Variants in NSD1 observed in about 807,000 individuals in gnomAD.
NSD1 encodes nuclear receptor binding SET domain protein 1, also known as histone-lysine N-methyltransferase, H3 lysine-36 specific.
In NSD1, 26 loss-of-function variants were observed where a neutral mutation model predicts 242.7. The observed-to-expected ratio is 0.11, with a 90% CI of 0.08 to 0.15. The LOEUF (loss-of-function observed/expected upper bound fraction) is 0.15. NSD1 is among the 10% of genes least tolerant of loss of function. The pLI is 1.00. For missense variants in NSD1, 2,495 were observed against 3,272.8 expected (o/e 0.76, Z 5.80); for synonymous variants, 1,106 against 1,178.1 (o/e 0.94, Z 1.25).
Position 177,148,833 on chromosome 5 carries a change from T to A in NSD1, c.927+12803T>A, listed in dbSNP as rs1431634431. ...GATCCAGTTTCTTTTATTTTTTGTT[T>A]TTTGAGACGGAGTCTCGCCCTGTTG... is the stretch of plus-strand genomic sequence containing the variant. On this transcript the variant is annotated intron_variant, in intron 2 of 22. Coordinates refer to ENST00000439151, the MANE Select transcript of NSD1 (RefSeq NM_022455.5). 2.0e-5 allele frequency among the ~76,000 whole-genome samples: 3 copies of A among 152,050 alleles called. 1 individual carries two copies. The highest frequency in any genetic ancestry group is 2.0e-4 in the Admixed American group (3 of 15,240).
Position 177,135,740 on chromosome 5 carries a change from A to C in NSD1, c.637A>C (p.Ser213Arg). Residue 213 changes from serine to arginine, a missense_variant, in exon 2 of 23, where the codon AGC (serine) becomes CGC (arginine). Around this residue, in one of 19 missense-constraint regions of NSD1, gnomAD observed 376 missense variants for 367.4 expected, o/e 1.02. Coordinates refer to ENST00000439151, the MANE Select transcript of NSD1 (RefSeq NM_022455.5). ...AGTGGCCATGGGAAGTGAACAAGAC[A>C]GCACACCAGAGAGTAGACACGGTGC... The part of the protein sequence containing the change: ...VKVAMGSEQD[S>R]TPESRHGAVK... 1 of 1,614,224 alleles carries C rather than the reference A, an allele frequency of 6.2e-7. No homozygotes were observed. The highest frequency in any genetic ancestry group is 1.1e-5 in the South Asian group (1 of 91,084).
At chr5:177,188,757 G>A (rs1232627260) in intron 2 of NSD1, among the ~76,000 whole-genome samples, 8 of 151,898 alleles carry the variant, frequency 5.3e-5, no homozygotes, top group African/African-American at 1.9e-4. Context: ...GCCTCCTTAT[G>A]CACCAGGACA....
intron 4 of NSD1, among the ~76,000 whole-genome samples, 196 bp downstream of exon 4, chr5:177,204,488 G>A (rs1206214190): frequency 6.6e-6 from 1 of 152,146 alleles, no homozygotes; most frequent in Non-Finnish European, 1.5e-5. Context: ...TGAGTAGCTG[G>A]TATTATAAGC....
In NSD1 at chr5:177,298,046, C is replaced by T; in HGVS notation, c.*2587C>T. 1 of 232,698 alleles carries T rather than the reference C, an allele frequency of 4.3e-6. No homozygotes were observed. Among genetic ancestry groups the T allele is most frequent in the Non-Finnish European group, 8.5e-6 (1 of 117,972 alleles). 14.4% of individuals were successfully genotyped at this position (232,698 alleles called of 1,614,324 possible). ...GGCCCACCAGTAGCAGCATGTGATA[C>T]TAGATGGTTAAAATCATGAAAGCAG... On this transcript the variant is annotated 3_prime_UTR_variant, in exon 23 of 23. Coordinates refer to ENST00000439151, the MANE Select transcript of NSD1 (RefSeq NM_022455.5).
intron 5 of NSD1, among the ~76,000 whole-genome samples, chr5:177,225,075 T>C (rs1764531535): frequency 6.6e-6 from 1 of 152,186 alleles, no homozygotes; most frequent in South Asian, 2.1e-4. Context: ...AAATCTATAC[T>C]CAAAGGATAT....
At chr5:177,132,398 A>C (rs1246990739), upstream of NSD1, among the ~76,000 whole-genome samples, 1 of 150,956 alleles carries the variant, frequency 6.6e-6, no homozygotes, top group Non-Finnish European at 1.5e-5. This position sits in a 1 kb window ranked among gnomAD's most constrained non-coding sequence, Gnocchi z 7.5. Flanking sequence ...GCACATACCC[A>C]CGCCGGCCGG....
intron 2 of NSD1, among the ~76,000 whole-genome samples, chr5:177,182,083 T>C (rs564600584): frequency 1.2e-3 from 181 of 148,386 alleles, no homozygotes; most frequent in African/African-American, 4.4e-3. Flanking sequence ...ACCCGGGAGG[T>C]GGAGCTTGCA....
In NSD1 at chr5:177,161,239, G is replaced by A. The variant is rs114780485; in HGVS notation, c.927+25209G>A. 7.5e-3 allele frequency among the ~76,000 whole-genome samples: 1,137 copies of A among 152,122 alleles called. 20 individuals carry two copies. Among genetic ancestry groups the A allele is most frequent in the African/African-American group, 0.026 (1,064 of 41,496 alleles). On this transcript the variant is annotated intron_variant, in intron 2 of 22. Coordinates refer to ENST00000439151, the MANE Select transcript of NSD1 (RefSeq NM_022455.5). ...CCTCTACAAAAAAAATAAATTAGCT[G>A]GGTGGAGTGGCATGTGCCTGTGGTC...
Position 177,191,991 on chromosome 5 carries a change from GTTGA to G in NSD1, c.1038_1041del (p.Ile347ThrfsTer6). On this transcript the variant is annotated frameshift_variant, in exon 3 of 23. Coordinates refer to ENST00000439151, the MANE Select transcript of NSD1 (RefSeq NM_022455.5). LOFTEE classifies it high-confidence loss of function. Reference sequence around the variant, plus strand: ...GGCCCTGCAGGATTTGTTCTGATCCGTTGATTAACACACATTCAAAAATGAAAGG... The same window carrying G: ...GGCCCTGCAGGATTTGTTCTGATCCGTTAACACACATTCAAAAATGAAAGG... 1 of 1,614,056 alleles carries G rather than the reference GTTGA, an allele frequency of 6.2e-7. No homozygotes were observed. The highest frequency in any genetic ancestry group is 8.5e-7 in the Non-Finnish European group (1 of 1,179,996).
In NSD1 at chr5:177,210,325, T is replaced by G. The variant is rs777587824; in HGVS notation, c.1926T>G (p.Ser642=). The change falls in exon 5 of 23, where the codon TCT becomes TCG. Residue 642 remains serine, a synonymous_variant. Coordinates refer to ENST00000439151, the MANE Select transcript of NSD1 (RefSeq NM_022455.5). ...RSDSISICTT[S]DDGSSDLDPI... Reference sequence around the variant, plus strand: ...ATTCCATTAGTATCTGTACCACTTCTGATGATGGAAGCAGTGACCTGGATC... The same window carrying G: ...ATTCCATTAGTATCTGTACCACTTCGGATGATGGAAGCAGTGACCTGGATC... The G allele has an allele frequency of 1.2e-6, 2 of 1,614,012 alleles. No individual in the cohort carries two copies. The highest frequency in any genetic ancestry group is 1.1e-5 in the South Asian group (1 of 91,060).
Position 177,294,406 on chromosome 5 carries a change from G to T in NSD1, c.7038G>T (p.Arg2346Ser). 2 of 1,614,142 alleles carry T rather than the reference G, an allele frequency of 1.2e-6. No individual in the cohort carries two copies. Among genetic ancestry groups the T allele is most frequent in the Non-Finnish European group, 1.7e-6 (2 of 1,180,030 alleles). ...GCCCAAGCTCCTCACCCTCAGTCAGGTCCCAACCACTGGAAAGACCTCTGG... is the reference window on the plus strand; with the variant it reads ...GCCCAAGCTCCTCACCCTCAGTCAGTTCCCAACCACTGGAAAGACCTCTGG... ...VTSPSSSPSV[R>S]SQPLERPLGT... The change falls in exon 23 of 23, where the codon AGG becomes AGT. Residue 2346 changes from arginine (R) to serine (S), a missense_variant. Arg to Ser is a moderately radical substitution (Grantham distance 110). Transcript: ENST00000439151.
At chr5:177,202,184 A>C (rs1762560251) in intron 3 of NSD1, among the ~76,000 whole-genome samples, 1 of 148,378 alleles carries the variant, frequency 6.7e-6, no homozygotes, top group African/African-American at 2.5e-5. Context: ...AAAAAAAAAA[A>C]GTTGTTCAAG....
At chr5:177,176,253 G>A (rs914754986) in intron 2 of NSD1, among the ~76,000 whole-genome samples, 3 of 151,134 alleles carry the variant, frequency 2.0e-5, no homozygotes, top group South Asian at 4.2e-4. Flanking sequence ...CTAAATATTC[G>A]ATTCTTCTTC....
At chr5:177,244,127 T>C (rs1203487575) in intron 8 of NSD1, 68 bp from the exon 9 acceptor site, 1 of 1,128,438 alleles carries the variant, frequency 8.9e-7, no homozygotes, top group Non-Finnish European at 1.3e-6. Context: ...ATTCAGACTT[T>C]GGCATATAAA....
intron 2 of NSD1, among the ~76,000 whole-genome samples, chr5:177,188,842 T>C (rs1761446538): frequency 6.6e-6 from 1 of 151,486 alleles, no homozygotes; most frequent in African/African-American, 2.4e-5. Flanking sequence ...CTTTTGTCAT[T>C]TTAAAAAAAA....
intron 22 of NSD1, 107 bp from the exon 23 acceptor site, chr5:177,293,725 G>A: frequency 1.6e-6 from 2 of 1,228,458 alleles, no homozygotes; most frequent in South Asian, 1.2e-5. Flanking sequence ...AGCAGGGACA[G>A]TGTGAAGGAA....
rs1254687094 is a variant in NSD1 at position 177,244,185 on chromosome 5, T to C, written c.4303-10T>C. ...CCTCTGTAAATGGTGTTGTTTTCAC[T>C]TATTTATAGTGCTATGAAGCTGGTC... On this transcript the variant is annotated splice_polypyrimidine_tract_variant and intron_variant, in intron 8 of 22. Coordinates refer to ENST00000439151, the MANE Select transcript of NSD1 (RefSeq NM_022455.5). 1.3e-6 allele frequency: 2 copies of C among 1,599,276 alleles called. No individual in the cohort carries two copies. The highest frequency in any genetic ancestry group is 8.6e-7 in the Non-Finnish European group (1 of 1,167,114).
At chr5:177,175,392 A>G (rs1760109298) in intron 2 of NSD1, among the ~76,000 whole-genome samples, 1 of 152,122 alleles carries the variant, frequency 6.6e-6, no homozygotes. Context: ...CTGTGAGGCC[A>G]GTGCAGGAGG....
At chr5:177,286,695 A>G (rs1759358350) in intron 20 of NSD1, among the ~76,000 whole-genome samples, 2 of 152,200 alleles carry the variant, frequency 1.3e-5, no homozygotes, top group Admixed American at 6.5e-5. Flanking sequence ...TAGTTCCTCT[A>G]TAATAAATCA....
Sources: gnomAD v4.1 joint callset for allele counts (sites outside exome capture counted in the v4.1 genomes callset) on GRCh38, gnomAD v4.1.1 for gene constraint, gnomAD v4.1.1 regional missense constraint, Gnocchi (gnomAD v3.1) non-coding constraint, MANE v1.5 for transcripts, NCBI Gene and HGNC (gene_info 2026-07-23, HGNC 2026-07-21) for gene names.